The following C2orf69 variants were observed in gnomAD, a reference collection of about 807,000 sequenced individuals.
The protein encoded by C2orf69 is chromosome 2 open reading frame 69.
Under a neutral mutation model 29.5 loss-of-function variants are expected in C2orf69, and 19 were observed. The ratio of observed to expected loss-of-function variants is 0.65; its 90% CI spans 0.45 to 0.95. The LOEUF is 0.95. Ranked by LOEUF, C2orf69 falls within the 40% of genes least tolerant of loss-of-function variation. The pLI is 0.00. For missense variants in C2orf69, 416 were observed against 482.1 expected (o/e 0.86, Z 1.28); for synonymous variants, 194 against 180.0 (o/e 1.08, Z -0.62).
intron 1 of C2orf69, among the ~76,000 whole-genome samples, chr2:199,919,646 A>C (rs2077306427): frequency 6.6e-6 from 1 of 152,238 alleles, no homozygotes; most frequent in African/African-American, 2.4e-5. Flanking sequence ...GCAAGAGAGC[A>C]CTAGGGAGTG....
Position 199,927,902 on chromosome 2 carries a change from C to T in C2orf69, c.*2016C>T, listed in dbSNP as rs902143010. 27 of 151,992 alleles carry T rather than the reference C, an allele frequency of 1.8e-4. No individual in the cohort carries two copies. Among genetic ancestry groups the T allele is most frequent in the Admixed American group, 1.2e-3 (19 of 15,268 alleles). 9.4% of individuals were successfully genotyped at this position (151,992 alleles called of 1,614,324 possible). A position where few individuals can be genotyped will look rare whatever the true frequency, so the allele number is the denominator to read the frequency against. On this transcript the variant is annotated 3_prime_UTR_variant, in exon 2 of 2. Transcript: ENST00000319974. ...TTAAAAATAATTTTAAAAAATCAGA[C>T]ATATTTAAAAATCTAGGTTGTCTAT...
intron 1 of C2orf69, among the ~76,000 whole-genome samples, chr2:199,918,940 C>G (rs2077303599): frequency 6.6e-6 from 1 of 152,006 alleles, no homozygotes; most frequent in South Asian, 2.1e-4. Context: ...TTACCTGTAT[C>G]TGTAGTTTTT....
In C2orf69 at chr2:199,926,380, C is replaced by T. The variant is rs960512057; in HGVS notation, c.*494C>T. On this transcript the variant is annotated 3_prime_UTR_variant, in exon 2 of 2. Coordinates refer to ENST00000319974, the MANE Select transcript of C2orf69 (RefSeq NM_153689.6). ...ACCCTGCCTTTTGTGTTTTTGTAAA[C>T]TCCTTGACTCATTCTTTCATGTGTC... 6.4e-6 allele frequency: 1 copy of T among 157,230 alleles called. No individual in the cohort carries two copies. The highest frequency in any genetic ancestry group is 2.4e-5 in the African/African-American group (1 of 41,302). 9.7% of individuals were successfully genotyped at this position (157,230 alleles called of 1,614,324 possible).
chr2:199,911,344 C>A lies in C2orf69; in HGVS notation c.-95C>A. ...CTCCCGGCCGGGCCGCGGCCGCCGA[C>A]CGTTGAGCCGCCGGCTGAGCCGCCT... On this transcript the variant is annotated 5_prime_UTR_variant, in exon 1 of 2. Coordinates refer to ENST00000319974, the MANE Select transcript of C2orf69 (RefSeq NM_153689.6). 18 of 1,356,596 alleles carry A rather than the reference C, an allele frequency of 1.3e-5. No homozygotes were observed. The highest frequency in any genetic ancestry group is 3.0e-5 in the East Asian group (1 of 33,278). The allele number at this position is 1,356,596 out of a possible 1,614,324, so 84.0% of individuals were successfully genotyped here.
chr2:199,916,054 G>C (rs951419904), intron 1 of C2orf69, among the ~76,000 whole-genome samples: 1 of 152,150 alleles, frequency 6.6e-6, no homozygotes, highest in East Asian at 1.9e-4. Context: ...AGACATACCC[G>C]AGGCTGGGTA....
intron 1 of C2orf69, among the ~76,000 whole-genome samples, chr2:199,921,154 G>A (rs1053227087): frequency 6.6e-6 from 1 of 150,606 alleles, no homozygotes; most frequent in African/African-American, 2.4e-5. Flanking sequence ...CTACAGGCAC[G>A]CGCCACCATG....
intron 1 of C2orf69, among the ~76,000 whole-genome samples, chr2:199,914,794 G>T (rs1166710886): frequency 1.3e-5 from 2 of 152,100 alleles, no homozygotes; most frequent in South Asian, 4.1e-4. Context: ...TAGATGACTT[G>T]TAGGTTTATT....
chr2:199,925,451 T>A lies in C2orf69; in HGVS notation c.723T>A (p.Ser241=). 1 of 1,613,820 alleles carries A rather than the reference T, an allele frequency of 6.2e-7. No individual in the cohort carries two copies. Among genetic ancestry groups the A allele is most frequent in the Non-Finnish European group, 8.5e-7 (1 of 1,179,874 alleles). The change falls in exon 2 of 2, where the codon TCT becomes TCA. Residue 241 remains serine, a synonymous_variant. Transcript: ENST00000319974. The surrounding 1 kb of genome is among the most constrained non-coding windows in gnomAD (Gnocchi z 4.9). ...AAAAAGTGAGGACCTGTGAAAAATC[T>A]GATGAGTCTGCCATGAGTTTTTATC... ...QGEKVRTCEK[S]DESAMSFYPP... is the part of the protein sequence containing the mutation.
At chr2:199,922,781 A>G (rs965382779) in intron 1 of C2orf69, among the ~76,000 whole-genome samples, 1 of 152,172 alleles carries the variant, frequency 6.6e-6, no homozygotes, top group Non-Finnish European at 1.5e-5. Flanking sequence ...TATCAGGATT[A>G]TATTTCAGTA....
At chr2:199,923,050 G>A (rs1288989136) in intron 1 of C2orf69, among the ~76,000 whole-genome samples, 1 of 152,140 alleles carries the variant, frequency 6.6e-6, no homozygotes, top group Non-Finnish European at 1.5e-5. Context: ...GTTATGTCCG[G>A]CAAGCTCCCA....
At chr2:199,920,487 G>A (rs1292366711) in intron 1 of C2orf69, among the ~76,000 whole-genome samples, 2 of 152,032 alleles carry the variant, frequency 1.3e-5, no homozygotes, top group Non-Finnish European at 2.9e-5. Context: ...GTTCATTTTG[G>A]CTCATTAACT....
At chr2:199,911,870 G>C in intron 1 of C2orf69, 99 bp downstream of exon 1, 1 of 1,484,972 alleles carries the variant, frequency 6.7e-7, no homozygotes, top group Non-Finnish European at 9.0e-7. Flanking sequence ...TCCTTTCCTT[G>C]CCTGAACACA....
Position 199,911,363 on chromosome 2 carries a change from G to T in C2orf69, c.-76G>T. 1.5e-6 allele frequency: 2 copies of T among 1,373,322 alleles called. No homozygotes were observed. Among genetic ancestry groups the T allele is most frequent in the Non-Finnish European group, 1.9e-6 (2 of 1,069,264 alleles). The allele number at this position is 1,373,322 out of a possible 1,614,324, so 85.1% of individuals were successfully genotyped here. A position where few individuals can be genotyped will look rare whatever the true frequency, so the allele number is the denominator to read the frequency against. On this transcript the variant is annotated 5_prime_UTR_variant, in exon 1 of 2. Transcript: ENST00000319974. ...CGCCGACCGTTGAGCCGCCGGCTGA[G>T]CCGCCTGCTGAAGTCCCTCCCTCAG...
intron 1 of C2orf69, 142 bp downstream of exon 1, chr2:199,911,913 A>T: frequency 8.0e-7 from 1 of 1,255,070 alleles, no homozygotes; most frequent in Non-Finnish European, 1.1e-6. Flanking sequence ...CTCTTCCTCT[A>T]CTCCACGAAA....
intron 1 of C2orf69, among the ~76,000 whole-genome samples, chr2:199,919,355 T>C (rs905960827): frequency 6.6e-6 from 1 of 152,236 alleles, no homozygotes; most frequent in African/African-American, 2.4e-5. Context: ...ATTTCCAGTT[T>C]TAACTCTTTA....
intron 1 of C2orf69, among the ~76,000 whole-genome samples, chr2:199,922,790 TA>T (rs1487076660): frequency 3.3e-5 from 5 of 152,204 alleles, no homozygotes; most frequent in Admixed American, 3.3e-4. Flanking sequence ...TATATTTCAG[TA>T]GCCTTTTAAC....
chr2:199,927,587 A>C lies in C2orf69; in HGVS notation c.*1701A>C, dbSNP rs1164427097. Reference sequence around the variant, plus strand: ...TGGCTTTTTTTTTTTTTTTAAAGACAAAGTAGTATTATGTTGCTTCAGTTT... The same window carrying C: ...TGGCTTTTTTTTTTTTTTTAAAGACCAAGTAGTATTATGTTGCTTCAGTTT... On this transcript the variant is annotated 3_prime_UTR_variant, in exon 2 of 2. Transcript: ENST00000319974. The C allele has an allele frequency of 6.6e-6, 1 of 150,594 alleles. No individual in the cohort carries two copies. Among genetic ancestry groups the C allele is most frequent in the East Asian group, 1.9e-4 (1 of 5,188 alleles). The allele number at this position is 150,594 out of a possible 1,614,324, so 9.3% of individuals were successfully genotyped here. A position where few individuals can be genotyped will look rare whatever the true frequency, so the allele number is the denominator to read the frequency against.
chr2:199,920,825 G>A (rs1349777288), intron 1 of C2orf69, among the ~76,000 whole-genome samples: 11 of 150,342 alleles, frequency 7.3e-5, no homozygotes, highest in African/African-American at 1.7e-4. Flanking sequence ...GCATGGTGGC[G>A]CGCGCCTGTA....
chr2:199,927,626 G>A lies in C2orf69; in HGVS notation c.*1740G>A, dbSNP rs184234641. 11 of 142,674 alleles carry A rather than the reference G, an allele frequency of 7.7e-5. No homozygotes were observed. The highest frequency in any genetic ancestry group is 5.7e-4 in the Admixed American group (8 of 14,018). The allele number at this position is 142,674 out of a possible 1,614,324, so 8.8% of individuals were successfully genotyped here. A position where few individuals can be genotyped will look rare whatever the true frequency, so the allele number is the denominator to read the frequency against. On this transcript the variant is annotated 3_prime_UTR_variant, in exon 2 of 2. Transcript: ENST00000319974. ...TTGCTTCAGTTTCTTTAAATACCTC[G>A]TTTCTTTTGAGACCAAAAATTCCCA... is the stretch of plus-strand genomic sequence containing the variant.
Sources: gnomAD v4.1 joint callset for allele counts (sites outside exome capture counted in the v4.1 genomes callset) on GRCh38, gnomAD v4.1.1 for gene constraint, Gnocchi (gnomAD v3.1) non-coding constraint, MANE v1.5 for transcripts, NCBI Gene and HGNC (gene_info 2026-07-23, HGNC 2026-07-21) for gene names.